The following PTPRT variants were observed in gnomAD, a reference collection of about 807,000 sequenced individuals.
PTPRT encodes the protein protein tyrosine phosphatase receptor type T.
Under a neutral mutation model 176.8 loss-of-function variants are expected in PTPRT, and 56 were observed. The ratio of observed to expected loss-of-function variants is 0.32; its 90% CI spans 0.26 to 0.40. The LOEUF (loss-of-function observed/expected upper bound fraction) is 0.40, where lower values mean the gene tolerates loss of function less well. PTPRT is among the 10% of genes least tolerant of loss of function. The pLI is 1.00. For missense variants in PTPRT, 1,540 were observed against 1,908.2 expected (o/e 0.81, Z 3.60); for synonymous variants, 783 against 739.0 (o/e 1.06, Z -0.96).
chr20:42,683,637 T>G (rs539445822), intron 6 of PTPRT, among the ~76,000 whole-genome samples: 1 of 152,226 alleles, frequency 6.6e-6, no homozygotes, highest in Non-Finnish European at 1.5e-5. Context: ...TCATGACGAC[T>G]TACTTTCGTG....
At chr20:43,032,711 A>G (rs892298190) in intron 1 of PTPRT, among the ~76,000 whole-genome samples, 1 of 152,090 alleles carries the variant, frequency 6.6e-6, no homozygotes, top group African/African-American at 2.4e-5. Flanking sequence ...TGTGCATGTC[A>G]TTACTGCATA....
At chr20:42,727,237 T>C (rs1229744920) in intron 6 of PTPRT, among the ~76,000 whole-genome samples, 1 of 152,216 alleles carries the variant, frequency 6.6e-6, no homozygotes, top group Non-Finnish European at 1.5e-5. Flanking sequence ...AAAGAGGGTA[T>C]GTCCCAAATT....
At chr20:42,825,036 T>C (rs1348657518) in intron 2 of PTPRT, among the ~76,000 whole-genome samples, 1 of 152,074 alleles carries the variant, frequency 6.6e-6, no homozygotes, top group Non-Finnish European at 1.5e-5. Context: ...TCTTATCAAA[T>C]AAGCTAAGAT....
chr20:42,333,185 G>A (rs1289455411), intron 11 of PTPRT, among the ~76,000 whole-genome samples: 1 of 152,000 alleles, frequency 6.6e-6, no homozygotes, highest in African/African-American at 2.4e-5. Context: ...AATTCATGAG[G>A]ACAGATTAAA....
intron 1 of PTPRT, among the ~76,000 whole-genome samples, chr20:42,993,220 C>A (rs1331155365): frequency 6.6e-6 from 1 of 151,570 alleles, no homozygotes; most frequent in East Asian, 1.9e-4. Flanking sequence ...AGACTGAGAC[C>A]AGCCTGGCTA....
At chr20:42,853,533 C>T (rs1332756161) in intron 2 of PTPRT, among the ~76,000 whole-genome samples, 1 of 152,102 alleles carries the variant, frequency 6.6e-6, no homozygotes, top group African/African-American at 2.4e-5. Context: ...AGCTCCAATG[C>T]CCATGCATAG....
At chr20:42,426,805 G>A (rs2059168429) in intron 9 of PTPRT, among the ~76,000 whole-genome samples, 1 of 152,190 alleles carries the variant, frequency 6.6e-6, no homozygotes, top group Non-Finnish European at 1.5e-5. Context: ...TGCAAGGGGG[G>A]TCAGGGAACC....
intron 9 of PTPRT, among the ~76,000 whole-genome samples, chr20:42,372,485 A>C (rs1426469667): frequency 1.3e-5 from 2 of 151,890 alleles, no homozygotes; most frequent in African/African-American, 4.8e-5. Flanking sequence ...CAGTTTCACC[A>C]TGTTGGCCAG....
At chr20:42,527,346 G>A (rs1259775089) in intron 7 of PTPRT, among the ~76,000 whole-genome samples, 3 of 152,040 alleles carry the variant, frequency 2.0e-5, no homozygotes, top group Admixed American at 1.3e-4. Flanking sequence ...CATCCTATGT[G>A]CTTTATCCCT....
chr20:42,918,989 T>G (rs900625498), intron 1 of PTPRT, among the ~76,000 whole-genome samples: 3 of 152,130 alleles, frequency 2.0e-5, no homozygotes, highest in Non-Finnish European at 4.4e-5. Flanking sequence ...TAAAACAGAT[T>G]TTGCATAGCA....
chr20:42,816,708 A>G (rs961975485), intron 2 of PTPRT, among the ~76,000 whole-genome samples: 1 of 152,184 alleles, frequency 6.6e-6, no homozygotes, highest in African/African-American at 2.4e-5. Context: ...GCCTTCTGCC[A>G]TGATTGTAAG....
chr20:43,171,585 C>T (rs759259316), intron 1 of PTPRT, among the ~76,000 whole-genome samples: 1 of 152,126 alleles, frequency 6.6e-6, no homozygotes, highest in African/African-American at 2.4e-5. Flanking sequence ...TTTGATTGGC[C>T]AAAGACCCCA....
chr20:43,163,761 C>T (rs964649457), intron 1 of PTPRT, among the ~76,000 whole-genome samples: 4 of 152,150 alleles, frequency 2.6e-5, no homozygotes, highest in Non-Finnish European at 4.4e-5. Flanking sequence ...GAAAAATTAT[C>T]CAAAGATATA....
chr20:42,439,465 C>A (rs1327062953), intron 9 of PTPRT, among the ~76,000 whole-genome samples: 1 of 152,066 alleles, frequency 6.6e-6, no homozygotes, highest in Non-Finnish European at 1.5e-5. Context: ...GTTTAGCAAC[C>A]TTGAGGGAAA....
chr20:42,802,345 C>T lies in PTPRT; in HGVS notation c.215-10879G>A, dbSNP rs377051868. ...TTAAACTACCTCCTACCCTGGGCCA[C>T]GCCCTGCCTACCTCTCTCAGGGGCA... On this transcript the variant is annotated intron_variant, in intron 2 of 30. Coordinates refer to ENST00000373187, the MANE Select transcript of PTPRT (RefSeq NM_007050.6). 5.9e-5 allele frequency among the ~76,000 whole-genome samples: 9 copies of T among 152,228 alleles called. No individual in the cohort carries two copies. The South Asian group carries it at 1.4e-3, about 25-fold the overall frequency.
intron 15 of PTPRT, among the ~76,000 whole-genome samples, chr20:42,207,410 T>C (rs1368350406): frequency 8.1e-5 from 10 of 123,856 alleles, no homozygotes; most frequent in Non-Finnish European, 1.7e-5. Flanking sequence ...TTTAGAAGAA[T>C]GTATAACTAG....
At chr20:42,537,046 G>A (rs1297926208) in intron 7 of PTPRT, among the ~76,000 whole-genome samples, 6 of 151,800 alleles carry the variant, frequency 4.0e-5, no homozygotes, top group African/African-American at 1.5e-4. Context: ...TAAATATGTA[G>A]TAACTAAGTT....
intron 1 of PTPRT, among the ~76,000 whole-genome samples, chr20:43,012,220 C>T (rs760648914): frequency 6.6e-6 from 1 of 152,188 alleles, no homozygotes; most frequent in Non-Finnish European, 1.5e-5. Flanking sequence ...ACTAATACAA[C>T]ACAGGATGGA....
intron 7 of PTPRT, among the ~76,000 whole-genome samples, chr20:42,646,163 C>T (rs993963613): frequency 4.6e-5 from 7 of 151,240 alleles, no homozygotes; most frequent in African/African-American, 1.7e-4. Context: ...GCAATGCCCT[C>T]AACTGGTAGG....
Sources: gnomAD v4.1 joint callset for allele counts (sites outside exome capture counted in the v4.1 genomes callset) on GRCh38, gnomAD v4.1.1 for gene constraint, MANE v1.5 for transcripts, NCBI Gene and HGNC (gene_info 2026-07-23, HGNC 2026-07-21) for gene names.